Variants in MOBP observed in about 807,000 individuals in gnomAD.
MOBP encodes myelin associated oligodendrocyte basic protein.
In MOBP, 5 loss-of-function variants were observed where a neutral mutation model predicts 15.0. The ratio of observed to expected loss-of-function variants is 0.33; its 90% CI spans 0.17 to 0.70. The LOEUF (loss-of-function observed/expected upper bound fraction) is 0.70. Ranked by LOEUF, MOBP falls within the 30% of genes least tolerant of loss-of-function variation. MOBP has a pLI of 0.67. For synonymous variants in MOBP, 88 were observed against 99.0 expected (o/e 0.89, Z 0.66); for missense variants, 188 against 257.8 (o/e 0.73, Z 1.85).
At chr3:39,504,124 A>T (rs569973450), downstream of MOBP, among the ~76,000 whole-genome samples, 6 of 152,374 alleles carry the variant, frequency 3.9e-5, no homozygotes, top group African/African-American at 9.6e-5. Context: ...AGCATTAAAA[A>T]GGCACAAGAT....
intron 2 of MOBP, among the ~76,000 whole-genome samples, chr3:39,494,746 T>A (rs1256085645): frequency 1.3e-5 from 2 of 151,860 alleles, no homozygotes; most frequent in Non-Finnish European, 2.9e-5. Flanking sequence ...TTAGTTACAA[T>A]TTTTTATTTA....
intron 2 of MOBP, among the ~76,000 whole-genome samples, chr3:39,485,929 T>C (rs1259029376): frequency 2.2e-5 from 3 of 134,830 alleles, no homozygotes; most frequent in African/African-American, 1.0e-4. Context: ...TATTTCCCTG[T>C]TTGTCTACTT....
chr3:39,524,896 A>G (rs930543881), downstream of MOBP: 1 of 152,224 alleles, frequency 6.6e-6, no homozygotes, highest in Non-Finnish European at 1.5e-5. Flanking sequence ...TACACACATT[A>G]GATAGATAAA....
At chr3:39,472,616 T>G (rs970409789) in intron 1 of MOBP, among the ~76,000 whole-genome samples, 1 of 152,178 alleles carries the variant, frequency 6.6e-6, no homozygotes, top group Non-Finnish European at 1.5e-5. Flanking sequence ...CCCCCTTCTC[T>G]CACTCAGCCA....
At chr3:39,473,423 T>C (rs563860181) in intron 1 of MOBP, among the ~76,000 whole-genome samples, 2 of 152,248 alleles carry the variant, frequency 1.3e-5, no homozygotes, top group South Asian at 2.1e-4. Flanking sequence ...AGAGCCTTTA[T>C]TGTGGTTTTT....
rs543439029 is a variant in MOBP at position 39,473,481 on chromosome 3, G to C, written c.-89+5741G>C. Among the ~76,000 whole-genome samples, 85 of 152,354 alleles carry C rather than the reference G, an allele frequency of 5.6e-4. 1 individual carries two copies. Among genetic ancestry groups the C allele is most frequent in the African/African-American group, 2.0e-3 (84 of 41,580 alleles). ...GAGTAAGCAGGAGAGGCGTGCTTAA[G>C]ATTGGCTAGTTTGAATAATTTCATG... On this transcript the variant is annotated intron_variant, in intron 1 of 3. Transcript: ENST00000684792.
chr3:39,524,555 G>A (rs1431628243), exon 5 of MOBP: 3 of 152,094 alleles, frequency 2.0e-5, no homozygotes, highest in Non-Finnish European at 2.9e-5. Context: ...TCAAGTATTG[G>A]CAAAGATGTG....
At chr3:39,473,961 G>A (rs541240550) in intron 1 of MOBP, among the ~76,000 whole-genome samples, 131 of 152,298 alleles carry the variant, frequency 8.6e-4, no homozygotes, top group Non-Finnish European at 1.4e-3. Flanking sequence ...TGTTACACAA[G>A]TAAAGTGAGC....
intron 1 of MOBP, among the ~76,000 whole-genome samples, chr3:39,473,259 C>T (rs1361104703): frequency 1.3e-5 from 2 of 152,158 alleles, no homozygotes; most frequent in Non-Finnish European, 2.9e-5. Context: ...GTGAGGCCAA[C>T]CAGATCAGGA....
Position 39,467,697 on chromosome 3 carries a change from G to A in MOBP, c.-132G>A, listed in dbSNP as rs1370441624. Reference sequence around the variant, plus strand: ...GTAGGCTCAAACCCTCAGGGACCTGGTATAGACGCAGAATCTGTTTCACAC... The same window carrying A: ...GTAGGCTCAAACCCTCAGGGACCTGATATAGACGCAGAATCTGTTTCACAC... On this transcript the variant is annotated 5_prime_UTR_variant, in exon 1 of 4. Coordinates refer to ENST00000684792, the MANE Select transcript of MOBP (RefSeq NM_001393704.1). 1 of 152,296 alleles carries A rather than the reference G, an allele frequency of 6.6e-6. No homozygotes were observed. Among genetic ancestry groups the A allele is most frequent in the East Asian group, 1.9e-4 (1 of 5,192 alleles). The allele number at this position is 152,296 out of a possible 1,614,324, so 9.4% of individuals were successfully genotyped here.
chr3:39,469,125 CAT>C lies in MOBP; in HGVS notation c.-89+1388_-89+1389del, dbSNP rs1313674987. On this transcript the variant is annotated intron_variant, in intron 1 of 3. Transcript: ENST00000684792. ...ATGTGTGTGTATATATACATATATACATATGTGTGTGTATATACATATATACA... is the reference window on the plus strand; with the variant it reads ...ATGTGTGTGTATATATACATATATACATGTGTGTGTATATACATATATACA... Among the ~76,000 whole-genome samples the C allele has an allele frequency of 8.7e-4, 43 of 49,566 alleles. 10 individuals are homozygous for C. Among genetic ancestry groups the C allele is most frequent in the African/African-American group, 4.8e-3 (28 of 5,822 alleles). 32.5% of individuals were successfully genotyped at this position (49,566 alleles called of 152,430 possible). A position where few individuals can be genotyped will look rare whatever the true frequency, so the allele number is the denominator to read the frequency against.
chr3:39,513,533 A>G (rs1368012431), exon 5 of MOBP: 2 of 1,113,802 alleles, frequency 1.8e-6, no homozygotes, highest in Non-Finnish European at 2.6e-6. Flanking sequence ...GCAGGGGCAA[A>G]CACCTGCTGA....
intron 2 of MOBP, among the ~76,000 whole-genome samples, chr3:39,485,384 G>A (rs963669268): frequency 6.6e-6 from 1 of 152,156 alleles, no homozygotes; most frequent in African/African-American, 2.4e-5. Flanking sequence ...GTCGTCAGCC[G>A]CTGGCCTGAG....
At chr3:39,521,076 G>A (rs1231563828) in intron 3 of MOBP, among the ~76,000 whole-genome samples, 2 of 151,876 alleles carry the variant, frequency 1.3e-5, no homozygotes, top group Non-Finnish European at 2.9e-5. Flanking sequence ...CAGCTCCCGA[G>A]GAGCTGGGAT....
exon 5 of MOBP, chr3:39,513,629 G>T: frequency 1.7e-6 from 1 of 584,184 alleles, no homozygotes; most frequent in Non-Finnish European, 3.1e-6. Flanking sequence ...ATCTCTGTGT[G>T]TTGTACTCCA....
In MOBP at chr3:39,476,763, GT is replaced by G. The variant is rs150278978; in HGVS notation, c.-88-3274del. 5.3e-3 allele frequency among the ~76,000 whole-genome samples: 797 copies of G among 151,652 alleles called. 5 individuals are homozygous for G. Among genetic ancestry groups the G allele is most frequent in the African/African-American group, 0.018 (751 of 41,346 alleles). On this transcript the variant is annotated intron_variant, in intron 1 of 3. Transcript: ENST00000684792. ...CCCCACATTGTGATTGATTTATTTT[GT>G]TTGATTTTTTAAAAAAATTCTTATT... is the stretch of plus-strand genomic sequence containing the variant.
chr3:39,468,695 T>TGTATAG (rs2042379955), intron 1 of MOBP, among the ~76,000 whole-genome samples: 1 of 126,716 alleles, frequency 7.9e-6, no homozygotes, highest in African/African-American at 3.2e-5. Context: ...TGTGTGTATA[T>TGTATAG]ACATATATAC....
chr3:39,473,535 A>G lies in MOBP; in HGVS notation c.-89+5795A>G, dbSNP rs142735420. Among the ~76,000 whole-genome samples the G allele has an allele frequency of 1.6e-4, 24 of 152,300 alleles. No individual in the cohort carries two copies. In the East Asian group the frequency reaches 3.7e-3, roughly 23 times the overall value. On this transcript the variant is annotated intron_variant, in intron 1 of 3. Coordinates refer to ENST00000684792, the MANE Select transcript of MOBP (RefSeq NM_001393704.1). ...CTCTGAGGCGTAGGAGCTGTCTGGTATCTGGTCCTGGAGGGATAAGGGCAG... is the reference window on the plus strand; with the variant it reads ...CTCTGAGGCGTAGGAGCTGTCTGGTGTCTGGTCCTGGAGGGATAAGGGCAG...
Position 39,495,945 on chromosome 3 carries a change from A to G in MOBP, c.-4-6121A>G, listed in dbSNP as rs562244725. ...GATACAAATATAGAATATAAACTAT[A>G]GAGAAGATTATAATTACAGATTTAT... On this transcript the variant is annotated intron_variant, in intron 2 of 3. Coordinates refer to ENST00000684792, the MANE Select transcript of MOBP (RefSeq NM_001393704.1). Among the ~76,000 whole-genome samples the G allele has an allele frequency of 5.9e-5, 9 of 152,046 alleles. No homozygotes were observed. In the South Asian group the frequency reaches 1.9e-3, roughly 31 times the overall value.
Sources: allele counts gnomAD v4.1 joint callset (sites outside exome capture counted in the v4.1 genomes callset), GRCh38; gene constraint gnomAD v4.1.1; transcripts MANE v1.5; gene names NCBI Gene and HGNC (gene_info 2026-07-23, HGNC 2026-07-21).